Variants in CALN1 observed in about 807,000 individuals in gnomAD.
CALN1 encodes the protein calneuron 1.
Under a neutral mutation model 30.6 loss-of-function variants are expected in CALN1, and 17 were observed. The observed-to-expected ratio is 0.56, with a 90% CI of 0.38 to 0.83. The LOEUF (loss-of-function observed/expected upper bound fraction) is 0.83, where lower values mean the gene tolerates loss of function less well. Ranked by LOEUF, CALN1 falls within the 40% of genes least tolerant of loss-of-function variation. The pLI, the probability that CALN1 is intolerant of heterozygous loss-of-function variation, is 0.00. For synonymous variants in CALN1, 156 were observed against 131.4 expected (o/e 1.19, Z -1.28); for missense variants, 291 against 354.9 (o/e 0.82, Z 1.45).
intron 4 of CALN1, among the ~76,000 whole-genome samples, chr7:72,100,211 T>C (rs1806554087): frequency 6.6e-6 from 1 of 151,828 alleles, no homozygotes; most frequent in Non-Finnish European, 1.5e-5. Context: ...CGGGCTGGAG[T>C]GCAGTGGTAC....
intron 3 of CALN1, among the ~76,000 whole-genome samples, chr7:72,176,994 A>T (rs972049848): frequency 6.6e-6 from 1 of 152,114 alleles, no homozygotes; most frequent in Non-Finnish European, 1.5e-5. Context: ...GGAAACACCT[A>T]TTGTAATTTC....
At chr7:72,019,965 A>G (rs1290247778) in intron 5 of CALN1, among the ~76,000 whole-genome samples, 1 of 152,202 alleles carries the variant, frequency 6.6e-6, no homozygotes, top group Non-Finnish European at 1.5e-5. Flanking sequence ...GAGTCTCTTA[A>G]GTAGGATGGT....
chr7:71,962,562 C>T (rs1797304398), intron 5 of CALN1, among the ~76,000 whole-genome samples: 1 of 152,182 alleles, frequency 6.6e-6, no homozygotes, highest in Non-Finnish European at 1.5e-5. Flanking sequence ...GTGAATATTT[C>T]CCCTCATCTC....
At position 72,395,484 on chromosome 7, in the gene CALN1, C is replaced by T. The variant is rs1413207453; in HGVS notation, c.119+7767G>A. 8.5e-5 allele frequency among the ~76,000 whole-genome samples: 13 copies of T among 152,196 alleles called. 1 individual carries two copies. The highest frequency in any genetic ancestry group is 1.2e-4 in the African/African-American group (5 of 41,446). On this transcript the variant is annotated intron_variant, in intron 2 of 6. Transcript: ENST00000395275. Reference sequence around the variant, plus strand: ...ACTAAGATTTTAATTTGCATTGATACTCTCCAAGAGGCAGATACAGTATGG... The same window carrying T: ...ACTAAGATTTTAATTTGCATTGATATTCTCCAAGAGGCAGATACAGTATGG...
At chr7:72,402,785 A>G (rs1170485296) in intron 2 of CALN1, among the ~76,000 whole-genome samples, 3 of 152,174 alleles carry the variant, frequency 2.0e-5, no homozygotes, top group African/African-American at 7.2e-5. Flanking sequence ...GGTGAGATTC[A>G]AAGACACTTG....
chr7:72,071,026 T>C (rs910466869), intron 4 of CALN1, among the ~76,000 whole-genome samples: 5 of 152,354 alleles, frequency 3.3e-5, no homozygotes, highest in Non-Finnish European at 7.4e-5. Context: ...TGGCAGAATT[T>C]GTCCTGTGTG....
intron 3 of CALN1, among the ~76,000 whole-genome samples, chr7:72,186,467 T>G (rs931560708): frequency 2.0e-5 from 3 of 152,102 alleles, no homozygotes; most frequent in African/African-American, 7.2e-5. Context: ...ATGTGCAGGT[T>G]TGTTACCTGA....
chr7:72,034,858 G>T (rs1393060082), intron 4 of CALN1, among the ~76,000 whole-genome samples: 1 of 137,168 alleles, frequency 7.3e-6, no homozygotes, highest in Non-Finnish European at 1.5e-5. Flanking sequence ...AGATCTTCAA[G>T]ATAGCTTCTC....
chr7:72,367,132 C>T (rs771910764), intron 2 of CALN1, among the ~76,000 whole-genome samples: 1 of 152,010 alleles, frequency 6.6e-6, no homozygotes, highest in Non-Finnish European at 1.5e-5. Flanking sequence ...GCAAAAGAAA[C>T]CTATGTCATT....
At chr7:72,366,720 C>G (rs1190998202) in intron 2 of CALN1, among the ~76,000 whole-genome samples, 1 of 151,948 alleles carries the variant, frequency 6.6e-6, no homozygotes, top group Non-Finnish European at 1.5e-5. Context: ...TGTTTAATGA[C>G]TAAAGCAGGT....
rs548254924 is a variant in CALN1 at position 71,876,454 on chromosome 7, A to C, written c.502-65962T>G. Among the ~76,000 whole-genome samples, 3 of 152,296 alleles carry C rather than the reference A, an allele frequency of 2.0e-5. No homozygotes were observed. The East Asian group carries it at 5.8e-4, about 29-fold the overall frequency. ...CAAGCTTTTGGACTTCCCAGCCTCC[A>C]GAACCATGAGCCAAATAAACTTTTC... On this transcript the variant is annotated intron_variant, in intron 5 of 6. Transcript: ENST00000395275.
chr7:72,365,990 T>C (rs933264009), intron 2 of CALN1, among the ~76,000 whole-genome samples: 1 of 152,138 alleles, frequency 6.6e-6, no homozygotes, highest in East Asian at 1.9e-4. Context: ...TCTAAGTATT[T>C]ATCCTAAAAT....
chr7:72,053,521 C>T (rs11772518), intron 4 of CALN1, among the ~76,000 whole-genome samples: 63,044 of 151,940 alleles, frequency 0.41, 14,454 homozygotes, highest in East Asian at 0.96. Flanking sequence ...ATTTACACTC[C>T]CACCAACATA....
intron 3 of CALN1, among the ~76,000 whole-genome samples, chr7:72,121,642 G>A (rs186445988): frequency 3.3e-4 from 49 of 148,574 alleles, no homozygotes; most frequent in African/African-American, 1.2e-3. Context: ...CTTGTGATTC[G>A]CTTAGGATTA....
intron 4 of CALN1, among the ~76,000 whole-genome samples, chr7:72,059,961 G>A (rs1803533426): frequency 6.6e-6 from 1 of 151,862 alleles, no homozygotes; most frequent in Non-Finnish European, 1.5e-5. Flanking sequence ...AGGTGATTTG[G>A]AGAAGACCTG....
At chr7:72,149,720 T>C (rs1396788183) in intron 3 of CALN1, among the ~76,000 whole-genome samples, 1 of 152,056 alleles carries the variant, frequency 6.6e-6, no homozygotes, top group Non-Finnish European at 1.5e-5. Context: ...AGCACTGCAT[T>C]GTGAAATCTT....
rs566981257 is a variant in CALN1, at chr7:72,038,849, C to A, written c.389-15080G>T. Among the ~76,000 whole-genome samples the A allele has an allele frequency of 3.9e-5, 6 of 152,328 alleles. No homozygotes were observed. The South Asian group carries it at 1.2e-3, about 32-fold the overall frequency. Reference sequence around the variant, plus strand: ...AAAAAGGGGAGGCATAAATAATCCACCCCTGGTTTAGCGTATCATCAAGAA... The same window carrying A: ...AAAAAGGGGAGGCATAAATAATCCAACCCTGGTTTAGCGTATCATCAAGAA... On this transcript the variant is annotated intron_variant, in intron 4 of 6. Transcript: ENST00000395275.
intron 5 of CALN1, among the ~76,000 whole-genome samples, chr7:71,882,850 T>TTGTGTGTGTGTGTGTGTGTG (rs34870061): frequency 6.1e-5 from 8 of 131,022 alleles, no homozygotes; most frequent in African/African-American, 2.3e-4. Context: ...CCCATCTAAT[T>TTGTGTGTGTGTGTGTGTGTG]TGTGTGTGTG....
At chr7:72,076,528 G>C (rs13234973) in intron 4 of CALN1, among the ~76,000 whole-genome samples, 36,097 of 143,990 alleles carry the variant, frequency 0.25, 4,667 homozygotes, top group Middle Eastern at 0.3. Flanking sequence ...AACCCGAGAG[G>C]CGGAGGTTAC....
Sources: allele counts gnomAD v4.1 joint callset (sites outside exome capture counted in the v4.1 genomes callset), GRCh38; gene constraint gnomAD v4.1.1; transcripts MANE v1.5; gene names NCBI Gene and HGNC (gene_info 2026-07-23, HGNC 2026-07-21).